The following NTM variants were observed in gnomAD, a reference collection of about 807,000 sequenced individuals.
NTM encodes the protein neurotrimin, also known as IgLON family member 2.
Under a neutral mutation model 42.1 loss-of-function variants are expected in NTM, and 13 were observed. The observed-to-expected ratio is 0.31, with a 90% confidence interval of 0.20 to 0.49. NTM has a LOEUF of 0.49. NTM is among the 20% of genes least tolerant of loss of function. The probability of loss-of-function intolerance (pLI) is 0.99; values close to 1 mark genes in which losing one functional copy is unlikely to be tolerated. For synonymous variants in NTM, 187 were observed against 179.2 expected, an observed-to-expected ratio of 1.04 and a Z score of -0.35; for missense variants, 373 against 452.8, an observed-to-expected ratio of 0.82 and a Z score of 1.60.
intron 4 of NTM, among the ~76,000 whole-genome samples, chr11:132,231,878 G>A (rs1195498406): frequency 1.3e-5 from 2 of 150,114 alleles, no homozygotes; most frequent in Non-Finnish European, 3.0e-5. Context: ...CATCAGCTCT[G>A]ACGCTGTTTT....
At chr11:131,768,644 G>T (rs908828487) in intron 1 of NTM, among the ~76,000 whole-genome samples, 2 of 152,164 alleles carry the variant, frequency 1.3e-5, no homozygotes, top group Non-Finnish European at 2.9e-5. Context: ...TTCAGCTACT[G>T]GCTACCTCAT....
chr11:131,810,037 G>A (rs145678813), intron 1 of NTM, among the ~76,000 whole-genome samples: 9 of 152,164 alleles, frequency 5.9e-5, no homozygotes, highest in East Asian at 3.9e-4. Flanking sequence ...CAGATTTATC[G>A]ATCTGCAATA....
At chr11:131,632,411 C>T (rs1246484265) in intron 1 of NTM, among the ~76,000 whole-genome samples, 2 of 152,118 alleles carry the variant, frequency 1.3e-5, no homozygotes, top group African/African-American at 4.8e-5. Context: ...TCATCTCAGT[C>T]TGAAGGTTTA....
intron 3 of NTM, among the ~76,000 whole-genome samples, chr11:132,193,072 C>A (rs1320933434): frequency 6.6e-6 from 1 of 152,214 alleles, no homozygotes; most frequent in Non-Finnish European, 1.5e-5. Context: ...CAACACCCCA[C>A]TGACAGCATT....
intron 2 of NTM, among the ~76,000 whole-genome samples, chr11:131,965,606 T>C (rs2062738916): frequency 1.3e-5 from 2 of 152,190 alleles, no homozygotes; most frequent in Non-Finnish European, 2.9e-5. Flanking sequence ...TGATGAAGAA[T>C]AGAAGCTTAA....
intron 1 of NTM, among the ~76,000 whole-genome samples, chr11:131,443,703 A>G (rs1375770567): frequency 6.6e-6 from 1 of 152,184 alleles, no homozygotes; most frequent in Non-Finnish European, 1.5e-5. Context: ...ATGGGAACTC[A>G]CTTCCAAGGT....
At chr11:132,109,417 G>T (rs939872312) in intron 2 of NTM, among the ~76,000 whole-genome samples, 13 of 152,086 alleles carry the variant, frequency 8.5e-5, no homozygotes, top group African/African-American at 3.1e-4. Context: ...CGGGCAGTGG[G>T]GCCCAACCAG....
chr11:131,535,683 T>C (rs1013937089), intron 1 of NTM: 2 of 152,186 alleles, frequency 1.3e-5, no homozygotes, highest in African/African-American at 4.8e-5. Context: ...GCTCTGTGTG[T>C]ATCTCCCTTG....
intron 4 of NTM, among the ~76,000 whole-genome samples, chr11:132,247,277 G>C (rs536147538): frequency 6.6e-6 from 1 of 152,196 alleles, no homozygotes; most frequent in Non-Finnish European, 1.5e-5. Context: ...CTCAGGGCCT[G>C]GGCATTGGAA....
intron 1 of NTM, among the ~76,000 whole-genome samples, chr11:131,833,383 T>G (rs191528805): frequency 6.6e-6 from 1 of 152,198 alleles, no homozygotes; most frequent in South Asian, 2.1e-4. Flanking sequence ...CACTACCTCA[T>G]GTAACCCCCA....
intron 1 of NTM, among the ~76,000 whole-genome samples, chr11:131,617,392 C>T (rs765664270): frequency 4.6e-5 from 7 of 152,188 alleles, no homozygotes; most frequent in Non-Finnish European, 1.0e-4. Context: ...CCCGATTCTA[C>T]TGCGATTGTG....
intron 2 of NTM, among the ~76,000 whole-genome samples, chr11:132,010,888 C>T (rs2072024312): frequency 6.6e-6 from 1 of 152,004 alleles, no homozygotes; most frequent in Non-Finnish European, 1.5e-5. Flanking sequence ...ATATTCGCAG[C>T]TCTTGGACAG....
chr11:132,215,811 G>A (rs186299569), intron 4 of NTM, among the ~76,000 whole-genome samples: 2 of 152,342 alleles, frequency 1.3e-5, no homozygotes, highest in East Asian at 3.9e-4. Context: ...ATGGGCCGAT[G>A]TTGTTTGCAT....
intron 7 of NTM, among the ~76,000 whole-genome samples, chr11:132,316,058 A>AACCCAAGTCCTGCTCTCCACCC (rs1271459278): frequency 1.3e-5 from 2 of 151,866 alleles, no homozygotes; most frequent in East Asian, 3.9e-4. Flanking sequence ...GTTTCCCATT[A>AACCCAAGTCCTGCTCTCCACCC]ACCCAAGTCC....
At chr11:131,453,527 G>T (rs1387354464) in intron 1 of NTM, among the ~76,000 whole-genome samples, 1 of 137,878 alleles carries the variant, frequency 7.3e-6, no homozygotes, top group Non-Finnish European at 1.6e-5. Context: ...CAAGTACAAC[G>T]GAAAGACTTT....
chr11:131,641,510 G>A (rs1476340278), intron 1 of NTM, among the ~76,000 whole-genome samples: 2 of 152,132 alleles, frequency 1.3e-5, no homozygotes, highest in African/African-American at 2.4e-5. Flanking sequence ...GGTCTGGTGA[G>A]GTCAAATGAA....
At chr11:132,203,253 A>T (rs1440302828) in intron 3 of NTM, among the ~76,000 whole-genome samples, 1 of 152,062 alleles carries the variant, frequency 6.6e-6, no homozygotes, top group Non-Finnish European at 1.5e-5. Flanking sequence ...AAAAATCTCT[A>T]TTTCTCTTCG....
At chr11:131,937,800 G>C (rs930585136) in intron 2 of NTM, among the ~76,000 whole-genome samples, 6 of 152,138 alleles carry the variant, frequency 3.9e-5, no homozygotes, top group African/African-American at 9.7e-5. Flanking sequence ...TTATAATAAA[G>C]GGCAGGAGGT....
intron 2 of NTM, among the ~76,000 whole-genome samples, chr11:131,920,756 A>C (rs1464978100): frequency 2.0e-5 from 3 of 152,218 alleles, no homozygotes; most frequent in Non-Finnish European, 2.9e-5. Context: ...GATTTCTTAA[A>C]ATAATAGAAT....
Sources: gnomAD v4.1 joint callset for allele counts (sites outside exome capture counted in the v4.1 genomes callset) on GRCh38, gnomAD v4.1.1 for gene constraint, MANE v1.5 for transcripts, NCBI Gene and HGNC (gene_info 2026-07-23, HGNC 2026-07-21) for gene names.